MYO3B: variants seen among roughly 807,000 people sequenced by gnomAD.
MYO3B encodes myosin-IIIb.
In MYO3B, 156 loss-of-function variants were observed where a neutral mutation model predicts 174.6. That is an observed-to-expected ratio of 0.89 (90% CI 0.78 to 1.02). The LOEUF (loss-of-function observed/expected upper bound fraction) is 1.02, where lower values mean the gene tolerates loss of function less well. Among genes scored for constraint, MYO3B ranks in the 50% least tolerant of loss-of-function variants. The pLI is 0.00. For synonymous variants in MYO3B, 563 were observed against 569.1 expected (o/e 0.99, Z 0.15); for missense variants, 1,632 against 1,639.4 (o/e 1.00, Z 0.08).
intron 32 of MYO3B, among the ~76,000 whole-genome samples, chr2:170,595,859 G>A (rs903449539): frequency 2.9e-5 from 4 of 135,698 alleles, no homozygotes; most frequent in Admixed American, 7.1e-5. Flanking sequence ...TCCTTGCTCA[G>A]CCAGCCTAAC....
At chr2:170,441,769 T>C (rs2094802692) in intron 22 of MYO3B, among the ~76,000 whole-genome samples, 2 of 152,268 alleles carry the variant, frequency 1.3e-5, no homozygotes, top group African/African-American at 4.8e-5. Flanking sequence ...TAATGCATTA[T>C]AATTAGCATA....
Position 170,589,824 on chromosome 2 carries a change from G to A in MYO3B, c.3733+45836G>A, listed in dbSNP as rs529269866. Among the ~76,000 whole-genome samples, 16 of 152,232 alleles carry A rather than the reference G, an allele frequency of 1.1e-4. No individual in the cohort carries two copies. The East Asian group carries it at 1.5e-3, about 15-fold the overall frequency. On this transcript the variant is annotated intron_variant, in intron 32 of 34. Transcript: ENST00000408978. The stretch of plus-strand genomic sequence containing the variant: ...CTGGCAATGTATAGTAATGTCCTTC[G>A]CATTCACTCACTGACGCACCCAGTG...
At chr2:170,338,889 C>T (rs966675112) in intron 8 of MYO3B, among the ~76,000 whole-genome samples, 3 of 152,210 alleles carry the variant, frequency 2.0e-5, no homozygotes, top group African/African-American at 4.8e-5. Context: ...CAGGTGTGAG[C>T]CACTGAGCCC....
intron 7 of MYO3B, among the ~76,000 whole-genome samples, chr2:170,312,070 C>T (rs929143910): frequency 6.6e-6 from 1 of 152,174 alleles, no homozygotes; most frequent in Non-Finnish European, 1.5e-5. Context: ...TTGCTTTTCG[C>T]ACGGGGTAAC....
chr2:170,630,207 G>A (rs1346477007), intron 32 of MYO3B, among the ~76,000 whole-genome samples: 5 of 152,312 alleles, frequency 3.3e-5, no homozygotes, highest in South Asian at 2.1e-4. Flanking sequence ...CCACCTAAAC[G>A]TGGCACTTTT....
At chr2:170,606,723 A>G (rs772102560) in intron 32 of MYO3B, among the ~76,000 whole-genome samples, 18 of 152,178 alleles carry the variant, frequency 1.2e-4, no homozygotes, top group Non-Finnish European at 2.5e-4. Context: ...GATGTTCCTT[A>G]TAAAAATAAA....
At chr2:170,227,221 G>A (rs1449163047) in intron 6 of MYO3B, among the ~76,000 whole-genome samples, 2 of 152,214 alleles carry the variant, frequency 1.3e-5, no homozygotes, top group Non-Finnish European at 2.9e-5. Context: ...ATAGGAACAA[G>A]TAGAGGCAGA....
chr2:170,602,050 A>G (rs1459888853), intron 32 of MYO3B: 5 of 951,602 alleles, frequency 5.3e-6, no homozygotes, highest in East Asian at 2.4e-5. Context: ...CATATCTTCA[A>G]ATTTTCCTTT....
Position 170,499,684 on chromosome 2 carries a change from G to T in MYO3B, c.3165G>T (p.Leu1055Phe). 6.2e-7 allele frequency: 1 copy of T among 1,614,024 alleles called. No individual in the cohort carries two copies. The highest frequency in any genetic ancestry group is 8.5e-7 in the Non-Finnish European group (1 of 1,179,962). ...LKYYHVEQLN[L>F]LLREVIGRVV... ...ATTACCATGTTGAGCAATTAAATTT[G>T]CTGCTTCGAGAAGTCATAGGCAGAG... The change falls in exon 27 of 35, where the codon TTG becomes TTT. Residue 1055 changes from leucine to phenylalanine, a missense_variant. Leu to Phe is a conservative substitution (Grantham distance 22). Coordinates refer to ENST00000408978, the MANE Select transcript of MYO3B (RefSeq NM_138995.5).
At chr2:170,561,003 A>G (rs749035630) in intron 32 of MYO3B, among the ~76,000 whole-genome samples, 1 of 152,216 alleles carries the variant, frequency 6.6e-6, no homozygotes, top group Non-Finnish European at 1.5e-5. Flanking sequence ...TCAGCTCACA[A>G]CACACTTGTA....
At chr2:170,462,125 A>G (rs1407151596) in intron 23 of MYO3B, among the ~76,000 whole-genome samples, 1 of 152,234 alleles carries the variant, frequency 6.6e-6, no homozygotes, top group African/African-American at 2.4e-5. Context: ...TTCTAAACCC[A>G]GGATCTTTCC....
At chr2:170,310,341 G>A (rs889418512) in intron 7 of MYO3B, among the ~76,000 whole-genome samples, 1 of 150,668 alleles carries the variant, frequency 6.6e-6, no homozygotes, top group Non-Finnish European at 1.5e-5. Context: ...ATTTTAGGGA[G>A]GCATAAGACA....
chr2:170,471,840 A>C (rs554528178), intron 25 of MYO3B, among the ~76,000 whole-genome samples: 88 of 152,142 alleles, frequency 5.8e-4, no homozygotes, highest in Non-Finnish European at 1.1e-3. Context: ...AAAAATACAA[A>C]ATTAGCTGGG....
intron 16 of MYO3B, among the ~76,000 whole-genome samples, chr2:170,399,268 A>AAAAAAAAAAAAAAAC (rs2094460135): frequency 2.0e-5 from 1 of 48,990 alleles, no homozygotes; most frequent in Non-Finnish European, 5.3e-5. Flanking sequence ...AAAAAAAAAG[A>AAAAAAAAAAAAAAAC]GAGAGACCAG....
intron 17 of MYO3B, 82 bp from the exon 18 acceptor site, chr2:170,401,399 A>G (rs2094474901): frequency 1.5e-6 from 2 of 1,290,640 alleles, no homozygotes; most frequent in Admixed American, 1.9e-5. Flanking sequence ...TCTGGCACAT[A>G]GTAGATGTTG....
chr2:170,395,820 A>T (rs1244435613), intron 16 of MYO3B, among the ~76,000 whole-genome samples: 2 of 152,214 alleles, frequency 1.3e-5, no homozygotes, highest in Non-Finnish European at 2.9e-5. Flanking sequence ...TACCAGAGAA[A>T]CAACTACCGG....
chr2:170,651,639 G>A lies in MYO3B; in HGVS notation c.3745G>A (p.Gly1249Ser), dbSNP rs1699017644. 1.2e-6 allele frequency: 2 copies of A among 1,614,038 alleles called. No individual in the cohort carries two copies. Among genetic ancestry groups the A allele is most frequent in the Non-Finnish European group, 1.7e-6 (2 of 1,179,996 alleles). Residue 1249 changes from glycine to serine, a missense_variant, in exon 33 of 35, where the codon GGT (glycine) becomes AGT (serine). By Grantham distance (56) the Gly-to-Ser change is moderately conservative. Transcript: ENST00000408978. ...GAPQKPGSENGLAQKHRTPRR... is the reference protein window; with the variant it reads ...GAPQKPGSENSLAQKHRTPRR... Reference sequence around the variant, plus strand: ...TGCTCTTTTTTCAGGTTCAGAAAATGGTCTTGCACAGAAGCATCGAACACC... The same window carrying A: ...TGCTCTTTTTTCAGGTTCAGAAAATAGTCTTGCACAGAAGCATCGAACACC...
intron 10 of MYO3B, 28 bp downstream of exon 10, chr2:170,382,140 A>G (rs763773729): frequency 1.3e-6 from 2 of 1,562,484 alleles, no homozygotes; most frequent in Non-Finnish European, 8.8e-7. Flanking sequence ...GACAATTCTC[A>G]TTGAAGACAT....
chr2:170,198,105 C>A (rs2092620250), intron 1 of MYO3B, among the ~76,000 whole-genome samples: 1 of 95,140 alleles, frequency 1.1e-5, no homozygotes, highest in African/African-American at 4.3e-5. Flanking sequence ...GCACCTTTCT[C>A]CTTTGGGTTT....
Sources: gnomAD v4.1 joint callset for allele counts (sites outside exome capture counted in the v4.1 genomes callset) on GRCh38, gnomAD v4.1.1 for gene constraint, MANE v1.5 for transcripts, NCBI Gene and HGNC (gene_info 2026-07-23, HGNC 2026-07-21) for gene names.